SGIP1: variants seen among roughly 807,000 people sequenced by gnomAD.
The protein encoded by SGIP1 is SH3GL interacting endocytic adaptor 1.
A neutral mutation model predicts 107.5 loss-of-function variants in SGIP1; 38 were observed. That is an observed-to-expected ratio of 0.35 (90% CI 0.27 to 0.46). SGIP1 has a LOEUF of 0.46. SGIP1 is among the 20% of genes least tolerant of loss of function. The pLI is 1.00. For missense variants in SGIP1, 929 were observed against 1,019.5 expected, an observed-to-expected ratio of 0.91 and a Z score of 1.21; for synonymous variants, 365 against 366.1, an observed-to-expected ratio of 1.00 and a Z score of 0.03.
At chr1:66,686,425 T>C (rs572185567) in intron 15 of SGIP1, among the ~76,000 whole-genome samples, 31 of 152,270 alleles carry the variant, frequency 2.0e-4, no homozygotes, top group African/African-American at 6.0e-4. Context: ...TCTTAAACAG[T>C]GTTGCTGTCC....
intron 21 of SGIP1, among the ~76,000 whole-genome samples, chr1:66,737,733 G>A (rs1293081029): frequency 6.6e-6 from 1 of 152,122 alleles, no homozygotes; most frequent in African/African-American, 2.4e-5. Context: ...AGTACTTTGT[G>A]AAATGTCAAC....
intron 14 of SGIP1, 36 bp downstream of exon 14, chr1:66,679,788 T>C (rs1423734379): frequency 3.9e-6 from 6 of 1,549,974 alleles, no homozygotes; most frequent in African/African-American, 1.4e-5. Flanking sequence ...GGATGATGTG[T>C]CAAACAGAGC....
chr1:66,610,474 T>C (rs570938168), intron 1 of SGIP1, among the ~76,000 whole-genome samples: 20 of 152,318 alleles, frequency 1.3e-4, no homozygotes, highest in Admixed American at 9.8e-4. Context: ...TTGCTCATCT[T>C]ACCGAACCAG....
At chr1:66,660,425 T>C in intron 7 of SGIP1, 88 bp from the exon 8 acceptor site, 1 of 1,266,086 alleles carries the variant, frequency 7.9e-7, no homozygotes. Flanking sequence ...AGTAAGGTTA[T>C]CCTGAACCTT....
chr1:66,640,592 A>G (rs1286845069), intron 5 of SGIP1, among the ~76,000 whole-genome samples: 2 of 152,170 alleles, frequency 1.3e-5, no homozygotes, highest in Non-Finnish European at 2.9e-5. Flanking sequence ...AATGTTGGGA[A>G]GGAGAGAACA....
chr1:66,672,443 T>C (rs1249714808), intron 11 of SGIP1, among the ~76,000 whole-genome samples: 5 of 152,178 alleles, frequency 3.3e-5, no homozygotes, highest in African/African-American at 1.2e-4. Context: ...TTACAGTGTA[T>C]TCTGTGGGTT....
At chr1:66,732,454 C>T (rs1017574811) in intron 20 of SGIP1, among the ~76,000 whole-genome samples, 1 of 152,044 alleles carries the variant, frequency 6.6e-6, no homozygotes, top group Non-Finnish European at 1.5e-5. Flanking sequence ...TCTTAAGGAC[C>T]AGGTGTATTT....
At chr1:66,692,028 G>A (rs2150118224) in intron 17 of SGIP1, among the ~76,000 whole-genome samples, 1 of 152,070 alleles carries the variant, frequency 6.6e-6, no homozygotes, top group East Asian at 1.9e-4. Context: ...GTGTGGTGGT[G>A]GGCGCCTGTA....
At chr1:66,551,363 G>A (rs921645249) in intron 1 of SGIP1, among the ~76,000 whole-genome samples, 1 of 152,038 alleles carries the variant, frequency 6.6e-6, no homozygotes, top group Non-Finnish European at 1.5e-5. Flanking sequence ...ACAATCTATT[G>A]GGCGCATCTC....
intron 1 of SGIP1, among the ~76,000 whole-genome samples, chr1:66,597,406 T>A (rs2064919540): frequency 1.3e-5 from 2 of 152,256 alleles, no homozygotes; most frequent in Non-Finnish European, 2.9e-5. Flanking sequence ...ATTTGTTTTA[T>A]TTTCTGTTTT....
intron 9 of SGIP1, 116 bp downstream of exon 9, chr1:66,667,657 T>C (rs536284564): frequency 3.2e-4 from 286 of 888,226 alleles, no homozygotes; most frequent in Non-Finnish European, 4.8e-4. Context: ...ATGAGGCAGA[T>C]GAAATAGGTT....
At chr1:66,643,402 T>C (rs1027297993) in intron 6 of SGIP1, 142 bp from the exon 7 acceptor site, 2 of 607,872 alleles carry the variant, frequency 3.3e-6, no homozygotes, top group Non-Finnish European at 2.8e-6. Flanking sequence ...TTCTAACCCC[T>C]TCCTCCTTTA....
chr1:66,591,583 C>T (rs557262546), intron 1 of SGIP1, among the ~76,000 whole-genome samples: 1 of 152,320 alleles, frequency 6.6e-6, no homozygotes, highest in East Asian at 1.9e-4. Flanking sequence ...GGGGCCAGCC[C>T]CTCCACACCT....
At chr1:66,677,216 T>A in intron 13 of SGIP1, 120 bp downstream of exon 13, 1 of 718,650 alleles carries the variant, frequency 1.4e-6, no homozygotes, top group Non-Finnish European at 2.3e-6. Flanking sequence ...TGAATAATAT[T>A]AAGAAGAGAT....
At chr1:66,592,696 T>C (rs1430644598) in intron 1 of SGIP1, among the ~76,000 whole-genome samples, 2 of 152,204 alleles carry the variant, frequency 1.3e-5, no homozygotes, top group Non-Finnish European at 2.9e-5. Context: ...TTCACCATTA[T>C]AGAATCATAG....
intron 1 of SGIP1, among the ~76,000 whole-genome samples, chr1:66,611,884 C>G (rs544236078): frequency 6.6e-6 from 1 of 152,156 alleles, no homozygotes; most frequent in Non-Finnish European, 1.5e-5. Flanking sequence ...TTTATACATG[C>G]CTCATGTGAA....
intron 5 of SGIP1, among the ~76,000 whole-genome samples, 185 bp downstream of exon 5, chr1:66,640,018 A>G (rs2076483539): frequency 6.6e-6 from 1 of 152,204 alleles, no homozygotes; most frequent in Non-Finnish European, 1.5e-5. Flanking sequence ...GATCTTGTCC[A>G]AGCTTGTCTA....
chr1:66,650,803 A>T (rs553496689), intron 7 of SGIP1, among the ~76,000 whole-genome samples: 1 of 151,924 alleles, frequency 6.6e-6, no homozygotes, highest in East Asian at 1.9e-4. Context: ...GGATTCCTTT[A>T]TTTTTGTTTT....
intron 1 of SGIP1, among the ~76,000 whole-genome samples, chr1:66,609,058 A>T (rs2067417748): frequency 1.4e-5 from 1 of 73,316 alleles, no homozygotes; most frequent in Admixed American, 1.7e-4. Context: ...TTGACACTTG[A>T]GCCTTTGCTT....
Sources: allele counts gnomAD v4.1 joint callset (sites outside exome capture counted in the v4.1 genomes callset), GRCh38; gene constraint gnomAD v4.1.1; transcripts MANE v1.5; gene names NCBI Gene and HGNC (gene_info 2026-07-23, HGNC 2026-07-21).